The following UXS1 variants were observed in gnomAD, a reference collection of about 807,000 sequenced individuals.
UXS1 encodes the protein UDP-glucuronic acid decarboxylase 1.
UXS1 carries 33 observed loss-of-function variants against 62.6 expected under a neutral mutation model. The observed-to-expected ratio is 0.53, with a 90% CI of 0.40 to 0.70. UXS1 has a LOEUF of 0.70. Among genes scored for constraint, UXS1 ranks in the 30% least tolerant of loss-of-function variants. The pLI is 0.00. For synonymous variants in UXS1, 213 were observed against 206.8 expected (o/e 1.03, Z -0.26); for missense variants, 434 against 556.3 (o/e 0.78, Z 2.21).
Position 106,189,162 on chromosome 2 carries a change from A to G in UXS1, c.94+4986T>C, listed in dbSNP as rs549338286. Among the ~76,000 whole-genome samples, 201 of 152,278 alleles carry G rather than the reference A, an allele frequency of 1.3e-3. 1 individual carries two copies. The South Asian group carries it at 0.015, about 11-fold the overall frequency. On this transcript the variant is annotated intron_variant, in intron 1 of 14. Coordinates refer to ENST00000283148, the MANE Select transcript of UXS1 (RefSeq NM_001253875.2). ...GAGGGGAGAAAATCACCAAAGAATA[A>G]TTCAAGAAAATTCCCATAACTGAAG...
At chr2:106,170,252 C>G (rs1683468474) in intron 1 of UXS1, among the ~76,000 whole-genome samples, 1 of 152,166 alleles carries the variant, frequency 6.6e-6, no homozygotes, top group Non-Finnish European at 1.5e-5. Context: ...TCCTGGGCAC[C>G]TGCACCTCCA....
At position 106,093,903 on chromosome 2, in the gene UXS1, T is replaced by A; in HGVS notation, c.*123A>T. On this transcript the variant is annotated 3_prime_UTR_variant, in exon 15 of 15. Transcript: ENST00000283148. The stretch of plus-strand genomic sequence containing the variant: ...CATTTCATTAAAGCAAGCTTCAGAA[T>A]GAAATTCCAGTTTGTTCTTCATGAC... 2 of 1,309,212 alleles carry A rather than the reference T, an allele frequency of 1.5e-6. No homozygotes were observed. The highest frequency in any genetic ancestry group is 2.0e-6 in the Non-Finnish European group (2 of 996,062). The allele number at this position is 1,309,212 out of a possible 1,614,324, so 81.1% of individuals were successfully genotyped here.
chr2:106,140,144 T>C (rs1388627418), intron 6 of UXS1, among the ~76,000 whole-genome samples: 1 of 152,190 alleles, frequency 6.6e-6, no homozygotes, highest in Non-Finnish European at 1.5e-5. Context: ...TCAAATGTAT[T>C]TACTTAGGGC....
rs185252647 is a variant in UXS1, at chr2:106,191,751, G to A, written c.94+2397C>T. Among the ~76,000 whole-genome samples, 9 of 152,322 alleles carry A rather than the reference G, an allele frequency of 5.9e-5. No individual in the cohort carries two copies. The East Asian group carries it at 1.2e-3, about 20-fold the overall frequency. ...CCTCCTAGAACACGCTCTCTCCTAT[G>A]ACTTCCCTGTTAACTCCTACATAAG... On this transcript the variant is annotated intron_variant, in intron 1 of 14. Transcript: ENST00000283148.
At chr2:106,120,091 G>A (rs931689163) in intron 9 of UXS1, among the ~76,000 whole-genome samples, 2 of 152,190 alleles carry the variant, frequency 1.3e-5, no homozygotes, top group African/African-American at 2.4e-5. Flanking sequence ...AAAAAAGTGG[G>A]AATGAGTATT....
intron 6 of UXS1, among the ~76,000 whole-genome samples, chr2:106,130,996 G>A (rs950076920): frequency 7.9e-5 from 12 of 151,876 alleles, no homozygotes; most frequent in Non-Finnish European, 1.3e-4. Flanking sequence ...CTGAGGTTCC[G>A]GGTTCATCTC....
chr2:106,188,562 A>G (rs1684724803), intron 1 of UXS1, among the ~76,000 whole-genome samples: 1 of 152,226 alleles, frequency 6.6e-6, no homozygotes, highest in African/African-American at 2.4e-5. Context: ...TCCCCCTGGG[A>G]CAATCAGGTT....
At chr2:106,096,488 A>C (rs995550436) in intron 14 of UXS1, among the ~76,000 whole-genome samples, 3 of 152,186 alleles carry the variant, frequency 2.0e-5, no homozygotes, top group Non-Finnish European at 2.9e-5. Flanking sequence ...AGATTTTACG[A>C]AAACAGAGCC....
intron 6 of UXS1, 34 bp downstream of exon 6, chr2:106,145,156 C>T (rs772152122): frequency 8.8e-6 from 14 of 1,599,038 alleles, no homozygotes; most frequent in Admixed American, 1.7e-5. Flanking sequence ...ACCTGCGGAG[C>T]TCTGAATAAT....
At chr2:106,160,831 GA>G (rs1352216778) in intron 4 of UXS1, among the ~76,000 whole-genome samples, 1 of 152,150 alleles carries the variant, frequency 6.6e-6, no homozygotes, top group Non-Finnish European at 1.5e-5. Flanking sequence ...TTTAAAAAAC[GA>G]AAAATAGGTT....
chr2:106,159,503 T>G (rs1301451668), intron 4 of UXS1: 1 of 152,270 alleles, frequency 6.6e-6, no homozygotes, highest in Non-Finnish European at 1.5e-5. Context: ...CAGCCCACAC[T>G]GATGTCCCAG....
intron 5 of UXS1, among the ~76,000 whole-genome samples, chr2:106,146,099 T>C (rs983972222): frequency 6.6e-6 from 1 of 152,222 alleles, no homozygotes; most frequent in Admixed American, 6.5e-5. Context: ...TGAAAAATAC[T>C]TTTAAGTTGA....
At chr2:106,178,610 ATG>A (rs1221055452) in intron 1 of UXS1, among the ~76,000 whole-genome samples, 5 of 151,908 alleles carry the variant, frequency 3.3e-5, no homozygotes, top group Admixed American at 6.6e-5. Flanking sequence ...GTGTGTATAT[ATG>A]TGTGTGTGTA....
intron 1 of UXS1, among the ~76,000 whole-genome samples, chr2:106,190,361 G>C: frequency 6.6e-6 from 1 of 152,142 alleles, no homozygotes. Context: ...AAAGAACAAA[G>C]TCACTAGGTA....
chr2:106,190,023 G>T (rs1024882660), intron 1 of UXS1, among the ~76,000 whole-genome samples: 1 of 152,164 alleles, frequency 6.6e-6, no homozygotes, highest in Non-Finnish European at 1.5e-5. Flanking sequence ...AGTTGCAGTA[G>T]AAGGCCCCGG....
In UXS1 at chr2:106,152,550, G is replaced by A. The variant is rs1458799483; in HGVS notation, c.291+5508C>T. Reference sequence around the variant, plus strand: ...AAAAGAAAGAAAAGAGAGAGAGAAAGGGAGAAAGAAAGGAAGGAAAGGAAG... The same window carrying A: ...AAAAGAAAGAAAAGAGAGAGAGAAAAGGAGAAAGAAAGGAAGGAAAGGAAG... On this transcript the variant is annotated intron_variant, in intron 5 of 14. Transcript: ENST00000283148. Among the ~76,000 whole-genome samples, 4 of 135,416 alleles carry A rather than the reference G, an allele frequency of 3.0e-5. No homozygotes were observed. The East Asian group carries it at 6.1e-4, about 21-fold the overall frequency. 88.8% of individuals were successfully genotyped at this position (135,416 alleles called of 152,430 possible).
chr2:106,179,253 C>T (rs545396272), intron 1 of UXS1, among the ~76,000 whole-genome samples: 7 of 152,242 alleles, frequency 4.6e-5, no homozygotes, highest in South Asian at 2.1e-4. Flanking sequence ...CCCACCCCAC[C>T]CTGAACCCCC....
intron 6 of UXS1, among the ~76,000 whole-genome samples, chr2:106,139,630 G>T (rs952514687): frequency 6.6e-6 from 1 of 152,206 alleles, no homozygotes; most frequent in African/African-American, 2.4e-5. Context: ...TTCTACCAAA[G>T]GGGAAATCCA....
rs1684555543 is a variant in UXS1, at chr2:106,186,439, CTT to C, written c.94+7707_94+7708del. ...ACATTTATAGGAAAACTGCTCTGGG[CTT>C]TTATATATATATATATACACACACA... On this transcript the variant is annotated intron_variant, in intron 1 of 14. Transcript: ENST00000283148. Among the ~76,000 whole-genome samples, 3 of 104,840 alleles carry C rather than the reference CTT, an allele frequency of 2.9e-5. No individual in the cohort carries two copies. The Admixed American group carries it at 3.7e-4, about 13-fold the overall frequency. 68.8% of individuals were successfully genotyped at this position (104,840 alleles called of 152,430 possible).
Sources: gnomAD v4.1 joint callset for allele counts (sites outside exome capture counted in the v4.1 genomes callset) on GRCh38, gnomAD v4.1.1 for gene constraint, MANE v1.5 for transcripts, NCBI Gene and HGNC (gene_info 2026-07-23, HGNC 2026-07-21) for gene names.